The following SCFD2 variants were observed in gnomAD, a reference collection of about 807,000 sequenced individuals.
SCFD2 encodes sec1 family domain-containing protein 2.
Under a neutral mutation model 58.9 loss-of-function variants are expected in SCFD2, and 54 were observed. The observed-to-expected ratio is 0.92, with a 90% CI of 0.74 to 1.15. The LOEUF (loss-of-function observed/expected upper bound fraction) is 1.15, where lower values mean the gene tolerates loss of function less well. Ranked by LOEUF, SCFD2 falls within the 50% of genes most tolerant of loss-of-function variation. The probability of loss-of-function intolerance (pLI) is 0.00; values close to 1 mark genes in which losing one functional copy is unlikely to be tolerated. For synonymous variants in SCFD2, 321 were observed against 335.9 expected, an observed-to-expected ratio of 0.96 and a Z score of 0.49; for missense variants, 805 against 836.6, an observed-to-expected ratio of 0.96 and a Z score of 0.47.
At chr4:53,015,992 T>C (rs1291872775) in intron 5 of SCFD2, among the ~76,000 whole-genome samples, 2 of 152,210 alleles carry the variant, frequency 1.3e-5, no homozygotes, top group African/African-American at 4.8e-5. Context: ...ATAAATCTTA[T>C]TTGTGGAAGA....
chr4:53,250,207 C>T (rs185227567), intron 4 of SCFD2, among the ~76,000 whole-genome samples: 4 of 152,226 alleles, frequency 2.6e-5, no homozygotes, highest in African/African-American at 9.6e-5. Flanking sequence ...ACAAAGAAGG[C>T]CGTTACATAA....
intron 4 of SCFD2, among the ~76,000 whole-genome samples, chr4:53,218,912 C>G (rs889259677): frequency 1.6e-4 from 25 of 152,232 alleles, no homozygotes; most frequent in African/African-American, 5.1e-4. Flanking sequence ...ACTCCAGACC[C>G]TGTTTGCCTG....
chr4:53,318,777 G>A lies in SCFD2; in HGVS notation c.1008-5014C>T, dbSNP rs144723700. ...AAATTAAGGAAAATTTTTGAAAGGTGAATAAAATACAATGTTAAATATAGT... is the reference window on the plus strand; with the variant it reads ...AAATTAAGGAAAATTTTTGAAAGGTAAATAAAATACAATGTTAAATATAGT... On this transcript the variant is annotated intron_variant, in intron 2 of 8. Coordinates refer to ENST00000401642, the MANE Select transcript of SCFD2 (RefSeq NM_152540.4). Among the ~76,000 whole-genome samples the A allele has an allele frequency of 7.4e-3, 1,117 of 151,742 alleles. 7 individuals are homozygous for A. Among genetic ancestry groups the A allele is most frequent in the African/African-American group, 0.026 (1,061 of 41,386 alleles).
chr4:52,889,111 G>A (rs953890859), intron 7 of SCFD2, among the ~76,000 whole-genome samples: 3 of 152,028 alleles, frequency 2.0e-5, no homozygotes, highest in East Asian at 1.9e-4. Flanking sequence ...CCTACTTAAG[G>A]TTATCAACAT....
chr4:53,207,496 T>TA (rs1728446955), intron 4 of SCFD2, among the ~76,000 whole-genome samples: 1 of 11,658 alleles, frequency 8.6e-5, no homozygotes, highest in Non-Finnish European at 1.4e-4. Context: ...ATATATTTCA[T>TA]ATATATATAT....
At chr4:53,020,351 T>C (rs1722316663) in intron 5 of SCFD2, among the ~76,000 whole-genome samples, 1 of 152,208 alleles carries the variant, frequency 6.6e-6, no homozygotes, top group African/African-American at 2.4e-5. Context: ...GTTAATCGGT[T>C]ACTGTTTCAG....
intron 5 of SCFD2, among the ~76,000 whole-genome samples, chr4:53,126,777 G>A (rs1257316739): frequency 6.6e-6 from 1 of 152,102 alleles, no homozygotes; most frequent in Admixed American, 6.6e-5. Context: ...CAGGATTCCC[G>A]AGAACCACCG....
rs568239626 is a variant in SCFD2 at position 53,193,767 on chromosome 4, T to C, written c.1312-48185A>G. ...ATATAGAACTTTGAGTACTTTTTGT[T>C]TCTATCACCGTTGTTTTTAAAATAT... On this transcript the variant is annotated intron_variant, in intron 4 of 8. Coordinates refer to ENST00000401642, the MANE Select transcript of SCFD2 (RefSeq NM_152540.4). Among the ~76,000 whole-genome samples the C allele has an allele frequency of 2.3e-3, 345 of 152,346 alleles. 2 individuals are homozygous for C. The highest frequency in any genetic ancestry group is 3.1e-3 in the Non-Finnish European group (213 of 68,018).
intron 5 of SCFD2, among the ~76,000 whole-genome samples, chr4:53,068,687 G>A (rs59315527): frequency 0.039 from 5,961 of 151,910 alleles, 390 homozygotes; most frequent in African/African-American, 0.14. Context: ...ATTTTTAAAG[G>A]CAGCATAATA....
At chr4:53,220,378 G>T (rs1729013001) in intron 4 of SCFD2, among the ~76,000 whole-genome samples, 3 of 152,184 alleles carry the variant, frequency 2.0e-5, no homozygotes, top group South Asian at 4.1e-4. Flanking sequence ...TAACTAGAAT[G>T]TAAGTTGTGT....
intron 5 of SCFD2, among the ~76,000 whole-genome samples, chr4:53,104,485 T>C (rs760311091): frequency 6.6e-6 from 1 of 152,204 alleles, no homozygotes; most frequent in East Asian, 1.9e-4. Flanking sequence ...AAATGTAATA[T>C]GGCACCCTGG....
chr4:52,919,786 G>T (rs1038849092), intron 6 of SCFD2, among the ~76,000 whole-genome samples: 2 of 152,216 alleles, frequency 1.3e-5, no homozygotes, highest in Non-Finnish European at 1.5e-5. Flanking sequence ...CAGGATACTG[G>T]AGGAAGAATC....
chr4:52,930,198 C>G (rs1461991157), intron 5 of SCFD2, among the ~76,000 whole-genome samples: 2 of 152,096 alleles, frequency 1.3e-5, no homozygotes, highest in Admixed American at 1.3e-4. Context: ...AGAAATAAGA[C>G]CACACATCTA....
chr4:53,244,846 A>C, intron 4 of SCFD2, among the ~76,000 whole-genome samples: 1 of 151,350 alleles, frequency 6.6e-6, no homozygotes, highest in South Asian at 2.1e-4. Flanking sequence ...AATAATAATA[A>C]GATAGACCAA....
intron 5 of SCFD2, among the ~76,000 whole-genome samples, chr4:52,937,446 T>C (rs1720167546): frequency 6.6e-6 from 1 of 152,132 alleles, no homozygotes; most frequent in South Asian, 2.1e-4. Flanking sequence ...TAAGTGGACT[T>C]ACGTGGGGGC....
At chr4:52,923,353 G>T (rs961046948) in intron 5 of SCFD2, among the ~76,000 whole-genome samples, 1 of 151,926 alleles carries the variant, frequency 6.6e-6, no homozygotes, top group African/African-American at 2.4e-5. Flanking sequence ...GGCAGGCCGC[G>T]TATAATCCGA....
intron 5 of SCFD2, among the ~76,000 whole-genome samples, chr4:53,050,460 TTATTCTAGTTCAATAA>T (rs1169725513): frequency 2.0e-5 from 3 of 152,186 alleles, no homozygotes; most frequent in Non-Finnish European, 4.4e-5. Flanking sequence ...TTGGATTAGA[TTATTCTAGTTCAATAA>T]AACAGATAAC....
At chr4:53,247,103 C>G (rs749645840) in intron 4 of SCFD2, among the ~76,000 whole-genome samples, 8 of 149,606 alleles carry the variant, frequency 5.3e-5, no homozygotes, top group Admixed American at 6.6e-5. Context: ...AGGACATGAA[C>G]AGATACTTTT....
At chr4:52,882,803 C>T (rs1310702584) in intron 8 of SCFD2, among the ~76,000 whole-genome samples, 1 of 152,202 alleles carries the variant, frequency 6.6e-6, no homozygotes, top group Non-Finnish European at 1.5e-5. Flanking sequence ...ATAAACTCCC[C>T]TTTATATCTA....
Sources: gnomAD v4.1 joint callset for allele counts (sites outside exome capture counted in the v4.1 genomes callset) on GRCh38, gnomAD v4.1.1 for gene constraint, MANE v1.5 for transcripts, NCBI Gene and HGNC (gene_info 2026-07-23, HGNC 2026-07-21) for gene names.